The following NEK6 variants were observed in gnomAD, a reference collection of about 807,000 sequenced individuals.
NEK6 encodes the protein NIMA related kinase 6, also known as serine/threonine-protein kinase Nek6.
NEK6 carries 27 observed loss-of-function variants against 43.5 expected under a neutral mutation model. That is an observed-to-expected ratio of 0.62 (90% CI 0.46 to 0.86). The LOEUF (loss-of-function observed/expected upper bound fraction) is 0.86. NEK6 is among the 40% of genes least tolerant of loss of function. The probability of loss-of-function intolerance (pLI) is 0.00; values close to 1 mark genes in which losing one functional copy is unlikely to be tolerated. For missense variants in NEK6, 318 were observed against 414.4 expected (o/e 0.77, Z 2.02); for synonymous variants, 167 against 164.1 (o/e 1.02, Z -0.14).
chr9:124,291,880 G>A (rs1225292100), intron 1 of NEK6: 6 of 985,486 alleles, frequency 6.1e-6, no homozygotes, highest in Admixed American at 1.2e-4. Flanking sequence ...TTAGAGCAGC[G>A]CATGGTGGGG....
intron 1 of NEK6, among the ~76,000 whole-genome samples, chr9:124,278,717 T>A (rs1191071091): frequency 6.6e-6 from 1 of 152,236 alleles, no homozygotes; most frequent in Non-Finnish European, 1.5e-5. Flanking sequence ...TGACTTCATG[T>A]ATGTTGGTTG....
chr9:124,351,132 A>G lies in NEK6; in HGVS notation c.*185A>G, dbSNP rs1830255255. 1.8e-6 allele frequency: 1 copy of G among 561,504 alleles called. No individual in the cohort carries two copies. The highest frequency in any genetic ancestry group is 3.2e-6 in the Non-Finnish European group (1 of 311,734). The allele number at this position is 561,504 out of a possible 1,614,324, so 34.8% of individuals were successfully genotyped here. On this transcript the variant is annotated 3_prime_UTR_variant, in exon 10 of 10. Coordinates refer to ENST00000320246, the MANE Select transcript of NEK6 (RefSeq NM_014397.6). The stretch of plus-strand genomic sequence containing the variant: ...AGCAGCTGAGGGAGGGGCGCTGGCC[A>G]CATGTCACTGATGGTCAGATTCCAA...
intron 1 of NEK6, among the ~76,000 whole-genome samples, chr9:124,269,816 A>G (rs1046582747): frequency 5.3e-5 from 8 of 151,952 alleles, no homozygotes; most frequent in Non-Finnish European, 8.8e-5. Flanking sequence ...GGTTTTGCAG[A>G]GTCATTAAGG....
At chr9:124,342,393 C>T (rs930162003) in intron 8 of NEK6, among the ~76,000 whole-genome samples, 4 of 152,254 alleles carry the variant, frequency 2.6e-5, no homozygotes, top group African/African-American at 9.6e-5. Flanking sequence ...CATCCAAATC[C>T]CAGCTCCAGG....
intron 1 of NEK6, among the ~76,000 whole-genome samples, chr9:124,283,176 C>T (rs1046876445): frequency 6.6e-6 from 1 of 152,258 alleles, no homozygotes; most frequent in African/African-American, 2.4e-5. Context: ...AGCCCTGACC[C>T]TCTCAGGAAG....
chr9:124,300,371 G>A (rs1426123894), intron 1 of NEK6, among the ~76,000 whole-genome samples: 1 of 152,142 alleles, frequency 6.6e-6, no homozygotes, highest in Non-Finnish European at 1.5e-5. Flanking sequence ...CCACCTCCTG[G>A]AACACCCCCG....
At chr9:124,329,893 G>A (rs1027252557) in intron 7 of NEK6, among the ~76,000 whole-genome samples, 4 of 152,226 alleles carry the variant, frequency 2.6e-5, no homozygotes, top group African/African-American at 7.2e-5. Context: ...CAGGGGCCAG[G>A]GACACTTCAC....
At chr9:124,296,178 G>A (rs915327684) in intron 1 of NEK6, among the ~76,000 whole-genome samples, 2 of 152,258 alleles carry the variant, frequency 1.3e-5, no homozygotes, top group African/African-American at 4.8e-5. Context: ...GGAGCCAGCT[G>A]GACCAACAGA....
intron 8 of NEK6, among the ~76,000 whole-genome samples, chr9:124,345,359 CAG>C (rs1829864286): frequency 6.6e-6 from 1 of 152,226 alleles, no homozygotes; most frequent in Admixed American, 6.5e-5. Context: ...TGGCCGGCAG[CAG>C]AGTGGGGGCA....
chr9:124,304,656 C>T (rs539294502), intron 2 of NEK6, among the ~76,000 whole-genome samples: 1 of 152,284 alleles, frequency 6.6e-6, no homozygotes, highest in South Asian at 2.1e-4. Context: ...CTGGATAATA[C>T]CCCCAGTGTA....
intron 2 of NEK6, among the ~76,000 whole-genome samples, chr9:124,307,409 A>G (rs1003560207): frequency 6.6e-6 from 1 of 152,130 alleles, no homozygotes; most frequent in African/African-American, 2.4e-5. Context: ...GACCTTGGCC[A>G]TCTCATTGGC....
chr9:124,292,911 G>A, intron 1 of NEK6: 1 of 1,512,722 alleles, frequency 6.6e-7, no homozygotes, highest in South Asian at 1.3e-5. Context: ...GGGAGTGACG[G>A]GGTGAGTCCA....
At chr9:124,333,870 C>A (rs911871052) in intron 7 of NEK6, among the ~76,000 whole-genome samples, 5 of 151,712 alleles carry the variant, frequency 3.3e-5, no homozygotes, top group African/African-American at 4.8e-5. Flanking sequence ...CTTCACCTCC[C>A]GGGTTCAAGA....
intron 7 of NEK6, among the ~76,000 whole-genome samples, chr9:124,334,435 A>G (rs947776189): frequency 2.0e-5 from 3 of 152,244 alleles, no homozygotes; most frequent in Non-Finnish European, 4.4e-5. Context: ...GAAATGGGGT[A>G]AGCAGAGAGA....
Position 124,311,208 on chromosome 9 carries a change from G to C in NEK6, c.91-1301G>C, listed in dbSNP as rs372993578. Among the ~76,000 whole-genome samples, 38 of 152,348 alleles carry C rather than the reference G, an allele frequency of 2.5e-4. 1 individual carries two copies. In the South Asian group the frequency reaches 2.7e-3, roughly 11 times the overall value. ...TCTTGATGCCTTCCGCCAGGGTGCT[G>C]GCTCCTAAAGACGCCTCGGTACGGT... On this transcript the variant is annotated intron_variant, in intron 2 of 9. Coordinates refer to ENST00000320246, the MANE Select transcript of NEK6 (RefSeq NM_014397.6).
chr9:124,309,343 C>T (rs538682122), intron 2 of NEK6, among the ~76,000 whole-genome samples: 11 of 152,252 alleles, frequency 7.2e-5, no homozygotes, highest in East Asian at 1.9e-4. Context: ...CCAGGAGCTT[C>T]GGCCCCACTG....
In NEK6 at chr9:124,350,969, T is replaced by C; in HGVS notation, c.*22T>C. On this transcript the variant is annotated 3_prime_UTR_variant, in exon 10 of 10. Coordinates refer to ENST00000320246, the MANE Select transcript of NEK6 (RefSeq NM_014397.6). ...CTGAGCGTGGATGCACCGTGCCTTA[T>C]CAAAGCCAGCACCACTTTGCCTTAC... The C allele has an allele frequency of 1.3e-6, 2 of 1,560,276 alleles. No homozygotes were observed. Among genetic ancestry groups the C allele is most frequent in the Non-Finnish European group, 1.8e-6 (2 of 1,139,352 alleles).
At chr9:124,327,531 T>G in intron 7 of NEK6, 86 bp downstream of exon 7, 1 of 1,068,948 alleles carries the variant, frequency 9.4e-7, no homozygotes, top group South Asian at 1.3e-5. Flanking sequence ...CCACGTGTGT[T>G]TGGTCAGTTA....
intron 1 of NEK6, among the ~76,000 whole-genome samples, chr9:124,271,367 A>C (rs1831429172): frequency 5.9e-5 from 9 of 152,218 alleles, no homozygotes; most frequent in Admixed American, 5.9e-4. Context: ...CGCTGTTCCC[A>C]GCCCCAAAAT....
Sources: gnomAD v4.1 joint callset for allele counts (sites outside exome capture counted in the v4.1 genomes callset) on GRCh38, gnomAD v4.1.1 for gene constraint, MANE v1.5 for transcripts, NCBI Gene and HGNC (gene_info 2026-07-23, HGNC 2026-07-21) for gene names.